IGF2BP3: variants seen among roughly 807,000 people sequenced by gnomAD.
The protein encoded by IGF2BP3 is insulin like growth factor 2 mRNA binding protein 3.
In IGF2BP3, 9 loss-of-function variants were observed where a neutral mutation model predicts 73.8. The observed-to-expected ratio is 0.12, with a 90% confidence interval of 0.07 to 0.21. The LOEUF (loss-of-function observed/expected upper bound fraction) is 0.21, where lower values mean the gene tolerates loss of function less well. IGF2BP3 is among the 10% of genes least tolerant of loss of function. IGF2BP3 has a pLI of 1.00. For synonymous variants in IGF2BP3, 258 were observed against 256.7 expected, an observed-to-expected ratio of 1.01 and a Z score of -0.05; for missense variants, 542 against 714.0, an observed-to-expected ratio of 0.76 and a Z score of 2.75.
intron 2 of IGF2BP3, among the ~76,000 whole-genome samples, chr7:23,440,829 A>G (rs1270787305): frequency 6.6e-6 from 1 of 152,224 alleles, no homozygotes; most frequent in Non-Finnish European, 1.5e-5. Flanking sequence ...TCATATACAT[A>G]AACAAATTTA....
intron 10 of IGF2BP3, among the ~76,000 whole-genome samples, chr7:23,328,455 C>T (rs532617746): frequency 3.1e-4 from 47 of 152,262 alleles, no homozygotes; most frequent in Non-Finnish European, 3.2e-4. Flanking sequence ...TGATCCACTG[C>T]GCCTGGCCCT....
intron 3 of IGF2BP3, among the ~76,000 whole-genome samples, chr7:23,412,438 C>CT (rs1787053102): frequency 6.6e-6 from 1 of 152,214 alleles, no homozygotes; most frequent in Admixed American, 6.5e-5. Context: ...TCTAGCAAGA[C>CT]TGTGATTTTT....
intron 3 of IGF2BP3, among the ~76,000 whole-genome samples, chr7:23,407,918 G>A (rs1332689640): frequency 8.1e-6 from 1 of 123,542 alleles, no homozygotes; most frequent in Admixed American, 9.8e-5. Context: ...TCATAGGAAT[G>A]CAGGGTTGGT....
At chr7:23,402,666 C>A (rs1023225263) in intron 3 of IGF2BP3, 1 of 152,156 alleles carries the variant, frequency 6.6e-6, no homozygotes, top group African/African-American at 2.4e-5. Flanking sequence ...TAAGCATTTA[C>A]AAATTTTTAT....
intron 10 of IGF2BP3, among the ~76,000 whole-genome samples, chr7:23,336,072 G>C (rs1357836672): frequency 6.6e-6 from 1 of 151,980 alleles, no homozygotes; most frequent in Non-Finnish European, 1.5e-5. Flanking sequence ...ATAGAGGCAA[G>C]GGATTTATCC....
chr7:23,342,955 AG>A (rs1784748026), intron 9 of IGF2BP3, among the ~76,000 whole-genome samples: 1 of 152,198 alleles, frequency 6.6e-6, no homozygotes, highest in South Asian at 2.1e-4. Flanking sequence ...TCACAAACGC[AG>A]TATTTGCACA....
At chr7:23,430,004 G>A (rs954239953) in intron 2 of IGF2BP3, among the ~76,000 whole-genome samples, 1 of 151,896 alleles carries the variant, frequency 6.6e-6, no homozygotes, top group African/African-American at 2.4e-5. Flanking sequence ...TTATAAGACA[G>A]ATACTGACAT....
chr7:23,377,184 T>C (rs1329602828), intron 3 of IGF2BP3, among the ~76,000 whole-genome samples: 1 of 152,070 alleles, frequency 6.6e-6, no homozygotes. Context: ...ATCAAGAAAG[T>C]GCAAAGACAT....
chr7:23,396,713 A>G (rs1348613220), intron 3 of IGF2BP3, among the ~76,000 whole-genome samples: 1 of 152,170 alleles, frequency 6.6e-6, no homozygotes, highest in Non-Finnish European at 1.5e-5. Context: ...GGGAAAAAAA[A>G]GAGCAAATGG....
At chr7:23,461,082 G>A (rs1051679679) in intron 2 of IGF2BP3, among the ~76,000 whole-genome samples, 4 of 152,120 alleles carry the variant, frequency 2.6e-5, no homozygotes, top group East Asian at 1.9e-4. Flanking sequence ...GAGCCAGGCC[G>A]AGATTTAACA....
At chr7:23,445,668 T>C (rs897553853) in intron 2 of IGF2BP3, among the ~76,000 whole-genome samples, 2 of 152,148 alleles carry the variant, frequency 1.3e-5, no homozygotes, top group Admixed American at 6.6e-5. Flanking sequence ...TTTACCAATA[T>C]TGTTATAGAT....
chr7:23,357,638 T>G (rs993851651), intron 5 of IGF2BP3, among the ~76,000 whole-genome samples: 3 of 152,192 alleles, frequency 2.0e-5, no homozygotes, highest in African/African-American at 7.2e-5. Context: ...CAAGAAAAGG[T>G]GCATTCACTA....
intron 10 of IGF2BP3, among the ~76,000 whole-genome samples, chr7:23,321,697 T>C (rs1248556985): frequency 2.0e-5 from 3 of 152,186 alleles, no homozygotes; most frequent in Non-Finnish European, 4.4e-5. Flanking sequence ...AAGAGAGCAG[T>C]GGTTCTCCCA....
intron 3 of IGF2BP3, among the ~76,000 whole-genome samples, chr7:23,418,283 C>G (rs1787248649): frequency 6.6e-6 from 1 of 152,140 alleles, no homozygotes; most frequent in Admixed American, 6.5e-5. Context: ...CATTATTATG[C>G]TTTGGAAACT....
At chr7:23,335,496 G>T (rs752186058) in intron 10 of IGF2BP3, among the ~76,000 whole-genome samples, 50 of 147,460 alleles carry the variant, frequency 3.4e-4, no homozygotes, top group Non-Finnish European at 4.0e-4. Context: ...TCCCTATGTT[G>T]CCCAGCCTGA....
At chr7:23,461,231 T>G (rs1306775595) in intron 2 of IGF2BP3, among the ~76,000 whole-genome samples, 1 of 152,162 alleles carries the variant, frequency 6.6e-6, no homozygotes, top group African/African-American at 2.4e-5. Context: ...TCTACTTTAC[T>G]GTCCTTCCTC....
chr7:23,422,054 A>C (rs1403778264), intron 2 of IGF2BP3, among the ~76,000 whole-genome samples: 5 of 152,128 alleles, frequency 3.3e-5, no homozygotes, highest in Non-Finnish European at 7.4e-5. Flanking sequence ...TGCTGGGATT[A>C]CAGGTGTGAG....
chr7:23,410,981 G>A (rs1786999524), intron 3 of IGF2BP3, among the ~76,000 whole-genome samples: 1 of 152,004 alleles, frequency 6.6e-6, no homozygotes, highest in Non-Finnish European at 1.5e-5. Context: ...TTCAGTACCC[G>A]GCACATAAGT....
chr7:23,312,619 A>G (rs1783863097), intron 14 of IGF2BP3, 116 bp downstream of exon 14: 1 of 897,302 alleles, frequency 1.1e-6, no homozygotes, highest in African/African-American at 1.7e-5. Context: ...GCTAAAAGGG[A>G]GATGAAAAGT....
Sources: allele counts gnomAD v4.1 joint callset (sites outside exome capture counted in the v4.1 genomes callset), GRCh38; gene constraint gnomAD v4.1.1; transcripts MANE v1.5; gene names NCBI Gene and HGNC (gene_info 2026-07-23, HGNC 2026-07-21).